Variants in RORA observed in about 807,000 individuals in gnomAD.
RORA encodes the protein nuclear receptor ROR-alpha.
Under a neutral mutation model 69.5 loss-of-function variants are expected in RORA, and 7 were observed. That is an observed-to-expected ratio of 0.10 (90% CI 0.06 to 0.19). RORA has a LOEUF of 0.19. RORA is among the 10% of genes least tolerant of loss of function. The pLI, the probability that RORA is intolerant of heterozygous loss-of-function variation, is 1.00. For synonymous variants in RORA, 261 were observed against 240.8 expected (o/e 1.08, Z -0.78); for missense variants, 457 against 663.0 (o/e 0.69, Z 3.41).
chr15:60,692,218 T>TA lies in RORA; in HGVS notation c.167-13533dup, dbSNP rs577651309. Among the ~76,000 whole-genome samples, 65 of 152,318 alleles carry TA rather than the reference T, an allele frequency of 4.3e-4. 3 individuals carry two copies. The South Asian group carries it at 0.012, about 29-fold the overall frequency. ...GGCAAAACTGTTTTTGCCAGATTTT[T>TA]AAAAAAATACACTTTATTTTTAAAG... On this transcript the variant is annotated intron_variant, in intron 1 of 10. Transcript: ENST00000335670.
chr15:60,514,962 C>T (rs1445745269), intron 3 of RORA, among the ~76,000 whole-genome samples: 1 of 152,182 alleles, frequency 6.6e-6, no homozygotes, highest in Non-Finnish European at 1.5e-5. Flanking sequence ...TCCTCCATCC[C>T]TTATACCTGC....
chr15:61,211,661 C>A (rs993769804), intron 1 of RORA, among the ~76,000 whole-genome samples: 1 of 152,192 alleles, frequency 6.6e-6, no homozygotes, highest in African/African-American at 2.4e-5. Flanking sequence ...CAACAGGGAG[C>A]TCAGTGATGG....
intron 1 of RORA, among the ~76,000 whole-genome samples, chr15:60,850,676 C>T (rs145490881): frequency 3.5e-4 from 54 of 152,278 alleles, no homozygotes; most frequent in African/African-American, 1.3e-3. Context: ...AGCTGGTTTC[C>T]AGCAAGCCCC....
intron 1 of RORA, among the ~76,000 whole-genome samples, chr15:61,044,051 C>T (rs1258558354): frequency 6.6e-6 from 1 of 151,876 alleles, no homozygotes; most frequent in African/African-American, 2.4e-5. Flanking sequence ...CCCTAACTCA[C>T]CTGTAGGGTT....
chr15:61,073,071 TTTC>T (rs1290144328), intron 1 of RORA, among the ~76,000 whole-genome samples: 30 of 152,216 alleles, frequency 2.0e-4, no homozygotes, highest in African/African-American at 7.0e-4. Context: ...AATTGCATCT[TTTC>T]TTAACTCTCT....
intron 1 of RORA, among the ~76,000 whole-genome samples, chr15:61,127,951 T>C (rs192406772): frequency 2.6e-5 from 4 of 152,324 alleles, no homozygotes; most frequent in East Asian, 3.9e-4. Context: ...GGCCACACTG[T>C]ATGCATCAGC....
chr15:61,119,917 A>G (rs1376567937), intron 1 of RORA, among the ~76,000 whole-genome samples: 1 of 152,220 alleles, frequency 6.6e-6, no homozygotes, highest in Non-Finnish European at 1.5e-5. Context: ...GTTGAGGGCA[A>G]CAAAAGAGAA....
At chr15:60,910,676 C>A (rs912404251) in intron 1 of RORA, among the ~76,000 whole-genome samples, 1 of 152,144 alleles carries the variant, frequency 6.6e-6, no homozygotes, top group African/African-American at 2.4e-5. Flanking sequence ...AAGGTACAAA[C>A]CCAGATTGGC....
At chr15:61,099,788 T>C (rs1455745255) in intron 1 of RORA, among the ~76,000 whole-genome samples, 2 of 152,218 alleles carry the variant, frequency 1.3e-5, no homozygotes, top group South Asian at 2.1e-4. Flanking sequence ...GGGCCAGAAC[T>C]GGTTTATCAT....
intron 1 of RORA, among the ~76,000 whole-genome samples, chr15:60,830,770 A>G (rs2073032037): frequency 6.6e-6 from 1 of 152,230 alleles, no homozygotes. Flanking sequence ...GCTCTAGGGT[A>G]CACAAGAAAA....
At chr15:60,571,149 A>AT (rs144800691) in intron 2 of RORA, among the ~76,000 whole-genome samples, 6,486 of 147,452 alleles carry the variant, frequency 0.044, 461 homozygotes, top group African/African-American at 0.15. Flanking sequence ...TGTTCTTGCT[A>AT]TTTTTTTTTT....
intron 2 of RORA, among the ~76,000 whole-genome samples, chr15:60,649,865 G>A (rs1306556736): frequency 6.6e-6 from 1 of 152,134 alleles, no homozygotes; most frequent in Non-Finnish European, 1.5e-5. Context: ...TCTGGCAACG[G>A]AAAGCTCAAA....
intron 1 of RORA, among the ~76,000 whole-genome samples, chr15:60,834,780 G>A (rs1049504237): frequency 6.6e-6 from 1 of 152,172 alleles, no homozygotes; most frequent in African/African-American, 2.4e-5. Context: ...GAGTGACACA[G>A]CGACCCCTCG....
At chr15:61,152,546 T>C (rs1306160475) in intron 1 of RORA, among the ~76,000 whole-genome samples, 2 of 151,684 alleles carry the variant, frequency 1.3e-5, no homozygotes. Flanking sequence ...CTAGAAAAAA[T>C]ATTCTATTGT....
intron 1 of RORA, among the ~76,000 whole-genome samples, chr15:60,719,894 A>C (rs1453411540): frequency 6.6e-6 from 1 of 152,164 alleles, no homozygotes; most frequent in East Asian, 1.9e-4. Context: ...TGTGCTTCAG[A>C]AGAAGCTAGC....
intron 1 of RORA, among the ~76,000 whole-genome samples, chr15:60,766,216 T>A (rs890312731): frequency 6.6e-6 from 1 of 152,076 alleles, no homozygotes; most frequent in Non-Finnish European, 1.5e-5. Flanking sequence ...TGGAATTGTG[T>A]GTGAGCCTGT....
At chr15:60,946,370 T>G (rs1892873639) in intron 1 of RORA, among the ~76,000 whole-genome samples, 1 of 152,170 alleles carries the variant, frequency 6.6e-6, no homozygotes, top group African/African-American at 2.4e-5. Flanking sequence ...CCTCCCTGCC[T>G]GATTCTTCTG....
chr15:61,164,143 C>CA (rs57024937), intron 1 of RORA, among the ~76,000 whole-genome samples: 1,991 of 141,632 alleles, frequency 0.014, 20 homozygotes, highest in African/African-American at 0.016. Flanking sequence ...TGGCCTGTAT[C>CA]AAAAAAAAAA....
chr15:60,531,980 T>C lies in RORA; in HGVS notation c.197-129A>G. On this transcript the variant is annotated intron_variant, in intron 2 of 10. Coordinates refer to ENST00000335670, the MANE Select transcript of RORA (RefSeq NM_134261.3). This position sits in a 1 kb window ranked among gnomAD's most constrained non-coding sequence, Gnocchi z 4.8. Reference sequence around the variant, plus strand: ...ACATTATACTGCATTAACTATTCATTGCTGAACTGTGAGGGTCCCCCTAGA... The same window carrying C: ...ACATTATACTGCATTAACTATTCATCGCTGAACTGTGAGGGTCCCCCTAGA... 1 of 564,438 alleles carries C rather than the reference T, an allele frequency of 1.8e-6. No individual in the cohort carries two copies. The highest frequency in any genetic ancestry group is 3.3e-5 in the East Asian group (1 of 29,884). 35.0% of individuals were successfully genotyped at this position (564,438 alleles called of 1,614,324 possible).
Sources: allele counts gnomAD v4.1 joint callset (sites outside exome capture counted in the v4.1 genomes callset), GRCh38; gene constraint gnomAD v4.1.1; non-coding constraint Gnocchi (gnomAD v3.1); transcripts MANE v1.5; gene names NCBI Gene and HGNC (gene_info 2026-07-23, HGNC 2026-07-21).